The following DACH1 variants were observed in gnomAD, a reference collection of about 807,000 sequenced individuals.
DACH1 encodes dachshund family transcription factor 1.
Under a neutral mutation model 54.2 loss-of-function variants are expected in DACH1, and 12 were observed. The ratio of observed to expected loss-of-function variants is 0.22; its 90% confidence interval spans 0.14 to 0.36. The LOEUF (loss-of-function observed/expected upper bound fraction) is 0.36, where lower values mean the gene tolerates loss of function less well. Ranked by LOEUF, DACH1 falls within the 10% of genes least tolerant of loss-of-function variation. DACH1 has a pLI of 1.00. For missense variants in DACH1, 805 were observed against 929.8 expected, an observed-to-expected ratio of 0.87 and a Z score of 1.75; for synonymous variants, 386 against 366.2, an observed-to-expected ratio of 1.05 and a Z score of -0.62.
intron 6 of DACH1, among the ~76,000 whole-genome samples, chr13:71,522,904 A>G (rs912681623): frequency 1.3e-5 from 2 of 152,034 alleles, no homozygotes; most frequent in South Asian, 4.1e-4. Flanking sequence ...TTGCTACAAA[A>G]CCTTTTGTTC....
intron 3 of DACH1, among the ~76,000 whole-genome samples, chr13:71,610,673 A>C (rs1484979688): frequency 6.6e-6 from 1 of 152,208 alleles, no homozygotes; most frequent in Non-Finnish European, 1.5e-5. Context: ...TACATTGATT[A>C]GAAATATTCT....
intron 1 of DACH1, among the ~76,000 whole-genome samples, chr13:71,798,324 A>AT (rs1491300694): frequency 4.3e-4 from 1 of 2,306 alleles, no homozygotes; most frequent in Non-Finnish European, 8.7e-4. Context: ...TGTTACATAC[A>AT]TATATATATA....
rs532405190 is a variant in DACH1 at position 71,510,377 on chromosome 13, G to A, written c.1571-21229C>T. Among the ~76,000 whole-genome samples, 12 of 151,784 alleles carry A rather than the reference G, an allele frequency of 7.9e-5. No individual in the cohort carries two copies. In the East Asian group the frequency reaches 2.1e-3, roughly 27 times the overall value. On this transcript the variant is annotated intron_variant, in intron 6 of 10. Transcript: ENST00000613252. ...CTCATCTCTGGACTCACATCTCTAC[G>A]GGGATATCTAATAGATATCCTAAAA...
chr13:71,805,997 G>A lies in DACH1; in HGVS notation c.848+59925C>T, dbSNP rs145607706. On this transcript the variant is annotated intron_variant, in intron 1 of 10. Coordinates refer to ENST00000613252, the MANE Select transcript of DACH1 (RefSeq NM_080759.6). ...TAACTTTGTATTTTTAGTACAGATG[G>A]GGTTTCTCCATGTTGGTCAGGCTAG... Among the ~76,000 whole-genome samples, 12 of 152,128 alleles carry A rather than the reference G, an allele frequency of 7.9e-5. No individual in the cohort carries two copies. The East Asian group carries it at 2.1e-3, about 27-fold the overall frequency.
intron 1 of DACH1, among the ~76,000 whole-genome samples, chr13:71,692,506 CTTTTTTTTTTTTTTTTTTTT>C (rs398023338): frequency 6.8e-5 from 3 of 44,424 alleles, no homozygotes; most frequent in Non-Finnish European, 6.9e-5. Context: ...CTTTTCTTTC[CTTTTTTTTTTTTTTTTTTTT>C]TTTTTTTTTT....
intron 6 of DACH1, among the ~76,000 whole-genome samples, chr13:71,548,562 T>C (rs1883605105): frequency 6.6e-6 from 1 of 152,138 alleles, no homozygotes; most frequent in Non-Finnish European, 1.5e-5. Flanking sequence ...AATTAAAATG[T>C]GCAAAATAAA....
chr13:71,788,543 C>T lies in DACH1; in HGVS notation c.848+77379G>A, dbSNP rs1429826418. On this transcript the variant is annotated intron_variant, in intron 1 of 10. Transcript: ENST00000613252. ...ATGTGAAGAAATATATTTGTCCTGT[C>T]TGCTATAGGGTAGTTTACTGCACAC... is the stretch of plus-strand genomic sequence containing the variant. Among the ~76,000 whole-genome samples, 6 of 151,888 alleles carry T rather than the reference C, an allele frequency of 4.0e-5. No individual in the cohort carries two copies. In the East Asian group the frequency reaches 9.6e-4, roughly 24 times the overall value.
Position 71,866,926 on chromosome 13 carries a change from A to C in DACH1, c.-157T>G. ...AGGAGAAAGGGAGAGAAGGGGGAGA[A>C]AAGGAGGTGAAGGTAATAAAGAGCG... On this transcript the variant is annotated 5_prime_UTR_variant, in exon 1 of 11. Coordinates refer to ENST00000613252, the MANE Select transcript of DACH1 (RefSeq NM_080759.6). The C allele has an allele frequency of 1.8e-6, 1 of 551,048 alleles. No individual in the cohort carries two copies. Among genetic ancestry groups the C allele is most frequent in the Non-Finnish European group, 2.8e-6 (1 of 361,260 alleles). 34.1% of individuals were successfully genotyped at this position (551,048 alleles called of 1,614,324 possible).
At chr13:71,504,546 G>A (rs141157564) in intron 6 of DACH1, among the ~76,000 whole-genome samples, 2 of 152,224 alleles carry the variant, frequency 1.3e-5, no homozygotes, top group East Asian at 1.9e-4. Flanking sequence ...GGATGAGATC[G>A]CTAAGGGGAG....
chr13:71,769,129 T>G (rs1383411354), intron 1 of DACH1, among the ~76,000 whole-genome samples: 1 of 151,774 alleles, frequency 6.6e-6, no homozygotes, highest in Non-Finnish European at 1.5e-5. Flanking sequence ...TAAGATAGAA[T>G]AGCAACTTGA....
chr13:71,857,130 A>T (rs1455806369), intron 1 of DACH1, among the ~76,000 whole-genome samples: 1 of 151,834 alleles, frequency 6.6e-6, no homozygotes. Flanking sequence ...TTTTATACAA[A>T]TAAAATAATT....
At chr13:71,498,460 A>C (rs1482593909) in intron 6 of DACH1, among the ~76,000 whole-genome samples, 1 of 152,068 alleles carries the variant, frequency 6.6e-6, no homozygotes, top group Non-Finnish European at 1.5e-5. Flanking sequence ...TTGGAAAACC[A>C]CTCTATTGAT....
chr13:71,454,575 T>G (rs1875379965), intron 10 of DACH1, among the ~76,000 whole-genome samples: 1 of 152,182 alleles, frequency 6.6e-6, no homozygotes, highest in African/African-American at 2.4e-5. Flanking sequence ...CAGGCTGCCA[T>G]GTATTGAGCT....
intron 2 of DACH1, among the ~76,000 whole-genome samples, chr13:71,674,367 G>C (rs1880414523): frequency 6.6e-6 from 1 of 151,720 alleles, no homozygotes; most frequent in African/African-American, 2.4e-5. Flanking sequence ...TCTTAAGACA[G>C]ATTATCCTGT....
At chr13:71,440,733 T>C (rs777045549) in intron 10 of DACH1, 41 bp from the exon 11 acceptor site, 1 of 1,502,998 alleles carries the variant, frequency 6.7e-7, no homozygotes, top group East Asian at 2.3e-5. Flanking sequence ...GGCATGGTAT[T>C]TGGGGTACAA....
intron 3 of DACH1, among the ~76,000 whole-genome samples, chr13:71,618,726 C>A (rs1875974405): frequency 6.6e-6 from 1 of 151,626 alleles, no homozygotes; most frequent in South Asian, 2.1e-4. Flanking sequence ...ATTTTAAAAG[C>A]CTACTCAAGT....
intron 6 of DACH1, among the ~76,000 whole-genome samples, chr13:71,552,832 TATATATATATAG>T (rs1327383463): frequency 1.7e-3 from 66 of 38,768 alleles, no homozygotes; most frequent in African/African-American, 2.5e-3. Flanking sequence ...TATATATATA[TATATATATATAG>T]AGAGAGAGAG....
At chr13:71,639,898 A>C (rs1877765327) in intron 2 of DACH1, among the ~76,000 whole-genome samples, 1 of 152,068 alleles carries the variant, frequency 6.6e-6, no homozygotes, top group South Asian at 2.1e-4. Context: ...TGTAACTTTT[A>C]CTCCACCTTT....
rs1464028646 is a variant in DACH1, at chr13:71,439,429, A to AT, written c.*1225dup. 2.6e-5 allele frequency: 4 copies of AT among 152,492 alleles called. No homozygotes were observed. The highest frequency in any genetic ancestry group is 9.7e-5 in the African/African-American group (4 of 41,442). The allele number at this position is 152,492 out of a possible 1,614,324, so 9.4% of individuals were successfully genotyped here. ...CTGACAAGGGTGGGAAGCACAGCAC[A>AT]TTTTAACTTTATCACTCAGCGCTAC... On this transcript the variant is annotated 3_prime_UTR_variant, in exon 11 of 11. Coordinates refer to ENST00000613252, the MANE Select transcript of DACH1 (RefSeq NM_080759.6).
Sources: gnomAD v4.1 joint callset for allele counts (sites outside exome capture counted in the v4.1 genomes callset) on GRCh38, gnomAD v4.1.1 for gene constraint, MANE v1.5 for transcripts, NCBI Gene and HGNC (gene_info 2026-07-23, HGNC 2026-07-21) for gene names.